SAMTOR: variants seen among roughly 807,000 people sequenced by gnomAD.
The protein encoded by SAMTOR is S-adenosylmethionine sensor upstream of mTORC1.
At chr7:112,925,512 G>A in the SAMTOR span, among the ~76,000 whole-genome samples, 1 of 152,202 alleles carries the variant, frequency 6.6e-6, no homozygotes, top group Non-Finnish European at 1.5e-5. Flanking sequence ...TGTACAACTT[G>A]GTTGGGTGTG....
chr7:112,823,695 A>C, the SAMTOR span, among the ~76,000 whole-genome samples: 1 of 152,288 alleles, frequency 6.6e-6, no homozygotes, highest in South Asian at 2.1e-4. Flanking sequence ...TTGGGTGGCT[A>C]GATCATACAG....
chr7:112,832,575 C>A, the SAMTOR span: 1 of 1,596,900 alleles, frequency 6.3e-7, no homozygotes, highest in Non-Finnish European at 8.6e-7. Context: ...ACAGCAGGTA[C>A]AATATCTATG....
At chr7:112,832,561 C>G in the SAMTOR span, 1 of 1,554,470 alleles carries the variant, frequency 6.4e-7, no homozygotes, top group Non-Finnish European at 8.9e-7. Flanking sequence ...CTATGCATAC[C>G]TCTACAGCAG....
the SAMTOR span, among the ~76,000 whole-genome samples, chr7:112,926,004 G>C: frequency 1.3e-4 from 20 of 152,270 alleles, no homozygotes; most frequent in Admixed American, 1.3e-3. Flanking sequence ...TAAAGAATGG[G>C]AGGCCACGGC....
At chr7:112,871,015 C>T in the SAMTOR span, among the ~76,000 whole-genome samples, 1 of 152,124 alleles carries the variant, frequency 6.6e-6, no homozygotes, top group East Asian at 1.9e-4. Flanking sequence ...AATGTTGGAG[C>T]ATGCAGATTC....
chr7:112,913,435 G>A, the SAMTOR span, among the ~76,000 whole-genome samples: 2 of 152,110 alleles, frequency 1.3e-5, no homozygotes, highest in African/African-American at 2.4e-5. Context: ...CTATAATTTC[G>A]TGCCATGATT....
the SAMTOR span, among the ~76,000 whole-genome samples, chr7:112,900,097 T>C: frequency 1.3e-5 from 2 of 151,864 alleles, no homozygotes; most frequent in African/African-American, 2.4e-5. Flanking sequence ...AAAAACCCAA[T>C]GGGATAAATT....
At chr7:112,908,895 G>A in the SAMTOR span, among the ~76,000 whole-genome samples, 1 of 152,142 alleles carries the variant, frequency 6.6e-6, no homozygotes, top group Non-Finnish European at 1.5e-5. Flanking sequence ...GACCGGGTGA[G>A]ACTGGTTAGA....
the SAMTOR span, among the ~76,000 whole-genome samples, chr7:112,826,446 C>T: frequency 6.6e-6 from 1 of 152,050 alleles, no homozygotes; most frequent in African/African-American, 2.4e-5. Context: ...AATTTATTGG[C>T]ATAAAGTTGT....
the SAMTOR span, among the ~76,000 whole-genome samples, chr7:112,885,197 C>A: frequency 4.6e-5 from 7 of 152,100 alleles, no homozygotes; most frequent in Non-Finnish European, 8.8e-5. Context: ...CCCATGAAAC[C>A]ATTTTTCCTC....
chr7:112,915,562 T>C, the SAMTOR span: 8 of 679,754 alleles, frequency 1.2e-5, no homozygotes, highest in East Asian at 3.4e-5. Context: ...AATTATAAAG[T>C]AAAACCATAA....
chr7:112,854,086 T>C, the SAMTOR span, among the ~76,000 whole-genome samples: 1 of 152,198 alleles, frequency 6.6e-6, no homozygotes, highest in East Asian at 1.9e-4. Flanking sequence ...ACTAGATACC[T>C]GAGATGACAT....
chr7:112,836,705 A>G, the SAMTOR span, among the ~76,000 whole-genome samples: 3 of 150,862 alleles, frequency 2.0e-5, no homozygotes, highest in African/African-American at 7.3e-5. Flanking sequence ...CCCAGCAAAT[A>G]GCGAGTCCTG....
the SAMTOR span, among the ~76,000 whole-genome samples, chr7:112,874,269 A>G: frequency 6.6e-6 from 1 of 152,194 alleles, no homozygotes; most frequent in Non-Finnish European, 1.5e-5. Flanking sequence ...ACTATCTACA[A>G]TAGCAAAGAC....
the SAMTOR span, among the ~76,000 whole-genome samples, chr7:112,912,803 G>A: frequency 2.0e-5 from 3 of 151,746 alleles, no homozygotes; most frequent in Non-Finnish European, 2.9e-5. Flanking sequence ...ATAATATAAC[G>A]ATTGATAAAA....
At chr7:112,921,966 T>TCTCCCGCTCCCG in the SAMTOR span, among the ~76,000 whole-genome samples, 5 of 125,964 alleles carry the variant, frequency 4.0e-5, no homozygotes, top group African/African-American at 1.4e-4. Flanking sequence ...TCCCTCTCCC[T>TCTCCCGCTCCCG]CTCCCGCTCC....
At chr7:112,895,505 C>A in the SAMTOR span, 3 of 1,226,116 alleles carry the variant, frequency 2.4e-6, no homozygotes, top group Middle Eastern at 6.4e-4. Flanking sequence ...TTAGTATGAA[C>A]CACTGCATTA....
At chr7:112,841,882 G>C in the SAMTOR span, among the ~76,000 whole-genome samples, 8 of 152,090 alleles carry the variant, frequency 5.3e-5, no homozygotes, top group Non-Finnish European at 1.0e-4. Context: ...CATATGCGAA[G>C]AACTGAAACT....
chr7:112,832,018 T>C, the SAMTOR span, among the ~76,000 whole-genome samples: 2 of 151,368 alleles, frequency 1.3e-5, no homozygotes. Flanking sequence ...GTTTCTTTTT[T>C]TTTTTTTTTT....
Sources: allele counts gnomAD v4.1 joint callset (sites outside exome capture counted in the v4.1 genomes callset), GRCh38; gene constraint gnomAD v4.1.1; transcripts MANE v1.5; gene names NCBI Gene and HGNC (gene_info 2026-07-23, HGNC 2026-07-21).